The following SNX29 variants were observed in gnomAD, a reference collection of about 807,000 sequenced individuals.
The protein encoded by SNX29 is sorting nexin-29.
SNX29 carries 78 observed loss-of-function variants against 102.1 expected under a neutral mutation model. The observed-to-expected ratio is 0.76, with a 90% CI of 0.64 to 0.92. SNX29 has a LOEUF of 0.92. Among genes scored for constraint, SNX29 ranks in the 40% least tolerant of loss-of-function variants. The pLI is 0.00. For synonymous variants in SNX29, 580 were observed against 414.5 expected, an observed-to-expected ratio of 1.40 and a Z score of -4.85; for missense variants, 1,280 against 1,061.7, an observed-to-expected ratio of 1.21 and a Z score of -2.86.
intron 4 of SNX29, 21 bp downstream of exon 4, chr16:12,027,465 A>G (rs1433605122): frequency 3.7e-6 from 6 of 1,612,046 alleles, no homozygotes; most frequent in Non-Finnish European, 5.1e-6. Flanking sequence ...GCCTGGCTGT[A>G]GCTTGGAGGA....
chr16:12,024,839 T>C (rs1426950107), intron 3 of SNX29, among the ~76,000 whole-genome samples: 1 of 152,240 alleles, frequency 6.6e-6, no homozygotes, highest in Non-Finnish European at 1.5e-5. Flanking sequence ...CTTTGGTTAA[T>C]TACAGAGAAC....
intron 14 of SNX29, among the ~76,000 whole-genome samples, chr16:12,217,308 C>T (rs1023064114): frequency 1.3e-5 from 2 of 152,232 alleles, no homozygotes; most frequent in Non-Finnish European, 2.9e-5. Flanking sequence ...GCGTGAGCCA[C>T]CATGCCCAGC....
chr16:12,565,180 C>G (rs1003377022), intron 20 of SNX29, among the ~76,000 whole-genome samples: 1 of 152,110 alleles, frequency 6.6e-6, no homozygotes, highest in Non-Finnish European at 1.5e-5. Flanking sequence ...CTACCCAACC[C>G]CCCACCTTCA....
chr16:12,212,595 T>A (rs1436157402), intron 14 of SNX29, among the ~76,000 whole-genome samples: 6 of 152,202 alleles, frequency 3.9e-5, no homozygotes, highest in Non-Finnish European at 8.8e-5. Context: ...GGAGTAAAGA[T>A]AATATATATT....
chr16:12,568,370 T>G, intron 20 of SNX29, 136 bp from the exon 21 acceptor site: 4 of 1,186,840 alleles, frequency 3.4e-6, no homozygotes, highest in Non-Finnish European at 4.7e-6. Context: ...GTGGCACCAG[T>G]TAGAGGCAGA....
intron 15 of SNX29, among the ~76,000 whole-genome samples, chr16:12,284,761 G>A (rs1774064917): frequency 6.7e-6 from 1 of 148,252 alleles, no homozygotes; most frequent in Non-Finnish European, 1.5e-5. Flanking sequence ...GTCTCATTCT[G>A]TCACCCAGGC....
intron 14 of SNX29, among the ~76,000 whole-genome samples, chr16:12,200,237 A>G (rs1213045412): frequency 6.6e-6 from 1 of 152,138 alleles, no homozygotes; most frequent in Admixed American, 6.5e-5. Context: ...AGCTATTATT[A>G]TTATTATTAA....
At chr16:12,316,805 A>G (rs933534632) in intron 15 of SNX29, among the ~76,000 whole-genome samples, 17 of 152,118 alleles carry the variant, frequency 1.1e-4, no homozygotes, top group South Asian at 2.1e-4. Flanking sequence ...GGATGGAACC[A>G]TGAGCTCCAG....
intron 8 of SNX29, chr16:12,060,948 C>G (rs1018868627): frequency 4.5e-6 from 2 of 442,010 alleles, no homozygotes; most frequent in Admixed American, 2.5e-5. Flanking sequence ...CTTTTACCCA[C>G]GAGGGGCTCA....
At chr16:12,503,434 T>TG in intron 19 of SNX29, among the ~76,000 whole-genome samples, 1 of 152,082 alleles carries the variant, frequency 6.6e-6, no homozygotes, top group South Asian at 2.1e-4. Context: ...GTCAGGGTGT[T>TG]GGGGGGCAGA....
intron 15 of SNX29, among the ~76,000 whole-genome samples, chr16:12,350,673 T>G (rs142965127): frequency 6.6e-6 from 1 of 152,230 alleles, no homozygotes. Context: ...GAAAACTGTT[T>G]CCTACAAGTA....
chr16:12,495,819 C>G (rs535635012), intron 19 of SNX29, among the ~76,000 whole-genome samples: 2 of 152,250 alleles, frequency 1.3e-5, no homozygotes, highest in South Asian at 4.1e-4. Flanking sequence ...TTTGGGAGAC[C>G]AAGGCAGGTG....
Position 12,393,528 on chromosome 16 carries a change from T to A in SNX29, c.1900-4918T>A, listed in dbSNP as rs370523413. On this transcript the variant is annotated intron_variant, in intron 16 of 20. Coordinates refer to ENST00000566228, the MANE Select transcript of SNX29 (RefSeq NM_032167.5). ...GGTGTGGTAAGCACATATAGAGCTC[T>A]CTGAGCTCACAAGGAGGGTTCCAAT... Among the ~76,000 whole-genome samples, 7 of 151,096 alleles carry A rather than the reference T, an allele frequency of 4.6e-5. No homozygotes were observed. In the East Asian group the frequency reaches 9.7e-4, roughly 21 times the overall value.
At chr16:12,415,126 G>A (rs561505823) in intron 18 of SNX29, among the ~76,000 whole-genome samples, 3 of 152,364 alleles carry the variant, frequency 2.0e-5, no homozygotes, top group South Asian at 4.1e-4. Context: ...AAGGCTCCAA[G>A]TCCGGGCAAA....
chr16:12,050,064 C>A (rs1379385201), intron 7 of SNX29, among the ~76,000 whole-genome samples: 3 of 152,200 alleles, frequency 2.0e-5, no homozygotes, highest in African/African-American at 4.8e-5. Context: ...CTGTCTTGCC[C>A]TGTGCTTCTC....
At chr16:12,054,117 G>A (rs1250832530) in intron 8 of SNX29, among the ~76,000 whole-genome samples, 8 of 151,948 alleles carry the variant, frequency 5.3e-5, no homozygotes, top group Non-Finnish European at 1.2e-4. Context: ...GCAAGCGTCC[G>A]CCACCACGCC....
At chr16:12,258,215 C>T (rs1443126231) in intron 14 of SNX29, among the ~76,000 whole-genome samples, 1 of 152,224 alleles carries the variant, frequency 6.6e-6, no homozygotes, top group Non-Finnish European at 1.5e-5. Flanking sequence ...CCTGCAGCCT[C>T]CAGCCCCGTG....
At chr16:12,425,817 G>C (rs1441512906) in intron 18 of SNX29, among the ~76,000 whole-genome samples, 1 of 152,056 alleles carries the variant, frequency 6.6e-6, no homozygotes, top group Non-Finnish European at 1.5e-5. Context: ...TGTGCTGAGA[G>C]CTACATGTTT....
rs1255260544 is a variant in SNX29 at position 12,540,250 on chromosome 16, CCCAGCG to C, written c.2318+15410_2318+15415del. The stretch of plus-strand genomic sequence containing the variant: ...CTGTGGCTGACCCGCTCCCCCCACC[CCCAGCG>C]TAAGGTCAAGTGGAGGGAGGACAGG... On this transcript the variant is annotated intron_variant, in intron 20 of 20. Transcript: ENST00000566228. 3.9e-5 allele frequency among the ~76,000 whole-genome samples: 6 copies of C among 152,184 alleles called. No homozygotes were observed. The East Asian group carries it at 9.6e-4, about 24-fold the overall frequency.
Sources: allele counts gnomAD v4.1 joint callset (sites outside exome capture counted in the v4.1 genomes callset), GRCh38; gene constraint gnomAD v4.1.1; transcripts MANE v1.5; gene names NCBI Gene and HGNC (gene_info 2026-07-23, HGNC 2026-07-21).